Variants in GALNT2 observed in about 807,000 individuals in gnomAD.
The protein encoded by GALNT2 is polypeptide N-acetylgalactosaminyltransferase 2.
A neutral mutation model predicts 81.4 loss-of-function variants in GALNT2; 31 were observed. The observed-to-expected ratio is 0.38, with a 90% confidence interval of 0.29 to 0.51. The LOEUF is 0.51. Ranked by LOEUF, GALNT2 falls within the 20% of genes least tolerant of loss-of-function variation. GALNT2 has a pLI of 0.87. For synonymous variants in GALNT2, 303 were observed against 287.4 expected (o/e 1.05, Z -0.55); for missense variants, 629 against 765.7 (o/e 0.82, Z 2.11).
intron 1 of GALNT2, among the ~76,000 whole-genome samples, chr1:230,058,909 A>G (rs1239464226): frequency 6.6e-6 from 1 of 152,166 alleles, no homozygotes; most frequent in Non-Finnish European, 1.5e-5. Flanking sequence ...TGGGAGTATG[A>G]CAGGGCCTGG....
At chr1:230,254,858 T>TA (rs1665658079) in intron 10 of GALNT2, among the ~76,000 whole-genome samples, 1 of 152,244 alleles carries the variant, frequency 6.6e-6, no homozygotes, top group Non-Finnish European at 1.5e-5. Flanking sequence ...ACTCAGTAGT[T>TA]ACGATGATAC....
intron 2 of GALNT2, among the ~76,000 whole-genome samples, chr1:230,201,750 G>C (rs1663898833): frequency 1.3e-5 from 2 of 152,202 alleles, no homozygotes; most frequent in Non-Finnish European, 2.9e-5. Context: ...CTCCTGGCTG[G>C]TTCCTGAATG....
chr1:230,226,170 G>T (rs548489922), intron 3 of GALNT2, among the ~76,000 whole-genome samples: 1 of 152,226 alleles, frequency 6.6e-6, no homozygotes, highest in Non-Finnish European at 1.5e-5. Context: ...TGTCCATTCT[G>T]TGTCCATGGG....
At chr1:230,074,471 C>T (rs1223049768) in intron 1 of GALNT2, among the ~76,000 whole-genome samples, 3 of 152,188 alleles carry the variant, frequency 2.0e-5, no homozygotes, top group Non-Finnish European at 4.4e-5. Context: ...GTAGTTCTCC[C>T]ACCCCTGATC....
At chr1:230,160,215 A>G (rs546926106) in intron 1 of GALNT2, among the ~76,000 whole-genome samples, 33 of 152,158 alleles carry the variant, frequency 2.2e-4, no homozygotes, top group Non-Finnish European at 1.8e-4. Context: ...GCTAATAACA[A>G]TCCCTGATGT....
At chr1:230,249,322 C>T in intron 9 of GALNT2, 51 bp downstream of exon 9, 1 of 1,550,618 alleles carries the variant, frequency 6.4e-7, no homozygotes, top group South Asian at 1.1e-5. Flanking sequence ...ACCCCAGGTT[C>T]CAGCTTCTTT....
At chr1:230,096,473 C>G (rs981655044) in intron 1 of GALNT2, among the ~76,000 whole-genome samples, 1 of 152,140 alleles carries the variant, frequency 6.6e-6, no homozygotes, top group Non-Finnish European at 1.5e-5. Context: ...ATCTCGTTCT[C>G]CCCTCCCGCC....
intron 1 of GALNT2, among the ~76,000 whole-genome samples, chr1:230,092,496 A>C (rs764755080): frequency 2.6e-5 from 4 of 151,770 alleles, no homozygotes; most frequent in African/African-American, 4.8e-5. Flanking sequence ...GGCACGCGCC[A>C]CCAAGCCTGG....
rs114713628 is a variant in GALNT2, at chr1:230,243,515, G to A, written c.729+88G>A. ...GAGCATGGTCCAGGGGAGGTGTAAC[G>A]CAGGGAGTAGGGCGTCAGGGCTGGT... is the stretch of plus-strand genomic sequence containing the variant. On this transcript the variant is annotated intron_variant, in intron 7 of 15. Transcript: ENST00000366672. This position sits in a 1 kb window ranked among gnomAD's most constrained non-coding sequence, Gnocchi z 4.2. The A allele has an allele frequency of 2.0e-5, 30 of 1,513,538 alleles. 1 individual carries two copies. Among genetic ancestry groups the A allele is most frequent in the Middle Eastern group, 1.8e-4 (1 of 5,636 alleles). The allele number at this position is 1,513,538 out of a possible 1,614,324, so 93.8% of individuals were successfully genotyped here. A position where few individuals can be genotyped will look rare whatever the true frequency, so the allele number is the denominator to read the frequency against.
intron 1 of GALNT2, among the ~76,000 whole-genome samples, chr1:230,089,787 C>T (rs1270762841): frequency 1.3e-5 from 2 of 152,196 alleles, no homozygotes; most frequent in Non-Finnish European, 2.9e-5. Context: ...TATGGACATA[C>T]AACGTTGTGT....
intron 3 of GALNT2, among the ~76,000 whole-genome samples, chr1:230,228,383 G>A (rs1344031870): frequency 6.6e-6 from 1 of 151,946 alleles, no homozygotes; most frequent in Non-Finnish European, 1.5e-5. Flanking sequence ...AAGAGTTACT[G>A]CTGAGCCACA....
At chr1:230,203,375 T>G in intron 3 of GALNT2, 85 bp downstream of exon 3, 4 of 1,430,414 alleles carry the variant, frequency 2.8e-6, no homozygotes, top group Non-Finnish European at 3.9e-6. Context: ...CACTAGAACT[T>G]CTCCATTACT....
At chr1:230,209,858 G>A (rs1035250302) in intron 3 of GALNT2, among the ~76,000 whole-genome samples, 5 of 151,856 alleles carry the variant, frequency 3.3e-5, no homozygotes, top group Non-Finnish European at 5.9e-5. Flanking sequence ...TTAAGGTCCC[G>A]TCTGTGGTAT....
intron 15 of GALNT2, among the ~76,000 whole-genome samples, chr1:230,274,942 TATATATACACAC>T (rs1187539294): frequency 6.7e-6 from 1 of 149,724 alleles, no homozygotes; most frequent in Non-Finnish European, 1.5e-5. Flanking sequence ...TATGTGAGCA[TATATATACACAC>T]ATATATACAC....
At chr1:230,188,604 C>T (rs989301808) in intron 2 of GALNT2, among the ~76,000 whole-genome samples, 1 of 152,186 alleles carries the variant, frequency 6.6e-6, no homozygotes, top group Non-Finnish European at 1.5e-5. Flanking sequence ...TTGGAATCAC[C>T]AATTTTATTT....
At chr1:230,204,843 A>G (rs1319685357) in intron 3 of GALNT2, among the ~76,000 whole-genome samples, 2 of 152,226 alleles carry the variant, frequency 1.3e-5, no homozygotes, top group Non-Finnish European at 2.9e-5. Context: ...GGATCCTAGC[A>G]TTTCACCCAG....
chr1:230,081,910 T>G (rs187171830), intron 1 of GALNT2, among the ~76,000 whole-genome samples: 1 of 152,320 alleles, frequency 6.6e-6, no homozygotes, highest in Admixed American at 6.5e-5. Flanking sequence ...CGTTTCCTTG[T>G]CTGGAAAAGA....
intron 2 of GALNT2, among the ~76,000 whole-genome samples, chr1:230,190,830 C>T (rs559955632): frequency 6.4e-4 from 98 of 152,252 alleles, no homozygotes; most frequent in Middle Eastern, 3.4e-3. Flanking sequence ...CGACCGCCAT[C>T]GGCTCATTGA....
chr1:230,149,320 T>C (rs190254202), intron 1 of GALNT2, among the ~76,000 whole-genome samples: 4 of 152,256 alleles, frequency 2.6e-5, no homozygotes, highest in Admixed American at 2.0e-4. Context: ...ATTGGACTTG[T>C]GTGGTTGAGC....
Sources: gnomAD v4.1 joint callset for allele counts (sites outside exome capture counted in the v4.1 genomes callset) on GRCh38, gnomAD v4.1.1 for gene constraint, Gnocchi (gnomAD v3.1) non-coding constraint, MANE v1.5 for transcripts, NCBI Gene and HGNC (gene_info 2026-07-23, HGNC 2026-07-21) for gene names.